KCNIP1: variants seen among roughly 807,000 people sequenced by gnomAD.
KCNIP1 encodes A-type potassium channel modulatory protein KCNIP1.
Under a neutral mutation model 33.0 loss-of-function variants are expected in KCNIP1, and 18 were observed. That is an observed-to-expected ratio of 0.55 (90% CI 0.38 to 0.81). KCNIP1 has a LOEUF of 0.81. KCNIP1 is among the 30% of genes least tolerant of loss of function. KCNIP1 has a pLI of 0.00. For missense variants in KCNIP1, 238 were observed against 271.6 expected, an observed-to-expected ratio of 0.88 and a Z score of 0.87; for synonymous variants, 93 against 98.3, an observed-to-expected ratio of 0.95 and a Z score of 0.32.
At chr5:170,633,460 G>A (rs1036514819) in intron 1 of KCNIP1, among the ~76,000 whole-genome samples, 1 of 150,818 alleles carries the variant, frequency 6.6e-6, no homozygotes, top group Non-Finnish European at 1.5e-5. Flanking sequence ...TCTGGGAGGA[G>A]AGCTTTTCAG....
chr5:170,602,587 T>C (rs1758738067), intron 1 of KCNIP1, among the ~76,000 whole-genome samples: 1 of 152,236 alleles, frequency 6.6e-6, no homozygotes, highest in South Asian at 2.1e-4. Flanking sequence ...ACTGTTCTCG[T>C]TTCCCTTTGG....
chr5:170,570,259 A>C (rs2113483749), intron 1 of KCNIP1, among the ~76,000 whole-genome samples: 1 of 152,378 alleles, frequency 6.6e-6, no homozygotes, highest in East Asian at 1.9e-4. Context: ...TATCTTGGAT[A>C]CCTGATCAAT....
intron 1 of KCNIP1, chr5:170,385,237 AG>A: frequency 6.6e-7 from 1 of 1,515,418 alleles, no homozygotes; most frequent in South Asian, 1.1e-5. Context: ...AGGGGTGAGT[AG>A]AAGGCCAGGG....
intron 1 of KCNIP1, among the ~76,000 whole-genome samples, chr5:170,679,988 A>T (rs1686797933): frequency 3.9e-5 from 6 of 152,212 alleles, no homozygotes. Context: ...AAATGGATAT[A>T]TACAATTTAT....
chr5:170,719,239 C>T (rs1763737674), intron 2 of KCNIP1, among the ~76,000 whole-genome samples: 1 of 152,056 alleles, frequency 6.6e-6, no homozygotes, highest in African/African-American at 2.4e-5. Flanking sequence ...CTTATGCTAA[C>T]CAGGCTCACC....
At chr5:170,694,324 T>G (rs955760930) in intron 1 of KCNIP1, among the ~76,000 whole-genome samples, 1 of 152,242 alleles carries the variant, frequency 6.6e-6, no homozygotes, top group African/African-American at 2.4e-5. Flanking sequence ...CACAGATGGT[T>G]CATTTTTATT....
At chr5:170,559,001 C>T (rs1163922163) in intron 1 of KCNIP1, among the ~76,000 whole-genome samples, 1 of 152,220 alleles carries the variant, frequency 6.6e-6, no homozygotes, top group Non-Finnish European at 1.5e-5. Flanking sequence ...CTGTTCTCTT[C>T]CAACCGAGGC....
intron 1 of KCNIP1, among the ~76,000 whole-genome samples, chr5:170,706,667 T>A (rs534607893): frequency 1.3e-5 from 2 of 152,380 alleles, no homozygotes; most frequent in South Asian, 4.1e-4. Context: ...GAGAAAATTC[T>A]GTGCTAACTT....
intron 1 of KCNIP1, among the ~76,000 whole-genome samples, chr5:170,553,027 G>GAATTC (rs1410093916): frequency 7.9e-5 from 12 of 152,322 alleles, no homozygotes; most frequent in African/African-American, 2.9e-4. Flanking sequence ...TCCTCCCAAG[G>GAATTC]CTATGCAGAG....
chr5:170,647,891 T>G (rs1760853523), intron 1 of KCNIP1, among the ~76,000 whole-genome samples: 1 of 152,134 alleles, frequency 6.6e-6, no homozygotes, highest in South Asian at 2.1e-4. Flanking sequence ...GATAAAGGAC[T>G]GTTATTCAAA....
intron 1 of KCNIP1, among the ~76,000 whole-genome samples, chr5:170,621,415 C>G (rs1396624806): frequency 6.6e-6 from 1 of 152,088 alleles, no homozygotes; most frequent in Admixed American, 6.6e-5. Context: ...CTCACTTGTC[C>G]CCACAGAGTG....
At chr5:170,675,080 C>T (rs1275777783) in intron 1 of KCNIP1, among the ~76,000 whole-genome samples, 1 of 151,832 alleles carries the variant, frequency 6.6e-6, no homozygotes, top group East Asian at 1.9e-4. Flanking sequence ...GCAGGAGGAT[C>T]GCTTGAGCCC....
At chr5:170,721,625 G>A (rs1763827735) in intron 3 of KCNIP1, 1 of 920,322 alleles carries the variant, frequency 1.1e-6, no homozygotes, top group Non-Finnish European at 1.7e-6. Context: ...TAGAGGGAGG[G>A]GCAAGGGCTC....
intron 1 of KCNIP1, among the ~76,000 whole-genome samples, chr5:170,671,568 G>T (rs1204850453): frequency 6.6e-6 from 1 of 152,008 alleles, no homozygotes; most frequent in Non-Finnish European, 1.5e-5. Flanking sequence ...TTCCTTTATG[G>T]CACCAATCAC....
chr5:170,562,398 C>G (rs1757064817), intron 1 of KCNIP1, among the ~76,000 whole-genome samples: 1 of 152,172 alleles, frequency 6.6e-6, no homozygotes, highest in East Asian at 1.9e-4. Context: ...AGCACGTGAG[C>G]TCTGTGAGGG....
intron 1 of KCNIP1, among the ~76,000 whole-genome samples, chr5:170,367,743 C>T (rs535186672): frequency 6.6e-6 from 1 of 152,330 alleles, no homozygotes. Context: ...ACCTCTCACC[C>T]GCTTTGCTGC....
chr5:170,512,565 T>A (rs1018275011), intron 1 of KCNIP1, among the ~76,000 whole-genome samples: 5 of 152,306 alleles, frequency 3.3e-5, no homozygotes, highest in Non-Finnish European at 7.4e-5. Flanking sequence ...CTCTACATAA[T>A]CTAGAAAATG....
chr5:170,717,933 C>T (rs79210086), intron 1 of KCNIP1, among the ~76,000 whole-genome samples: 6,372 of 152,262 alleles, frequency 0.042, 164 homozygotes, highest in Middle Eastern at 0.082. Flanking sequence ...TCTGGCAGGG[C>T]CCAAAGGAAA....
At chr5:170,521,243 C>T (rs918464720) in intron 1 of KCNIP1, among the ~76,000 whole-genome samples, 1 of 152,268 alleles carries the variant, frequency 6.6e-6, no homozygotes, top group Admixed American at 6.5e-5. Context: ...TAGAATGTGA[C>T]CTCAGAATCT....
Sources: allele counts gnomAD v4.1 joint callset (sites outside exome capture counted in the v4.1 genomes callset), GRCh38; gene constraint gnomAD v4.1.1; transcripts MANE v1.5; gene names NCBI Gene and HGNC (gene_info 2026-07-23, HGNC 2026-07-21).